The following ALDH1L2 variants were observed in gnomAD, a reference collection of about 807,000 sequenced individuals.
The protein encoded by ALDH1L2 is aldehyde dehydrogenase 1 family member L2, also known as mitochondrial 10-formyltetrahydrofolate dehydrogenase.
ALDH1L2 carries 91 observed loss-of-function variants against 111.0 expected under a neutral mutation model. The ratio of observed to expected loss-of-function variants is 0.82; its 90% confidence interval spans 0.69 to 0.98. The LOEUF is 0.98. ALDH1L2 is among the 50% of genes least tolerant of loss of function. The pLI is 0.00. For synonymous variants in ALDH1L2, 374 were observed against 392.6 expected (o/e 0.95, Z 0.56); for missense variants, 995 against 1,126.8 (o/e 0.88, Z 1.67).
intron 1 of ALDH1L2, among the ~76,000 whole-genome samples, chr12:105,083,572 A>G (rs1878428666): frequency 1.3e-5 from 2 of 152,156 alleles, no homozygotes. Context: ...CGATAAGCAA[A>G]TTCTTTTATG....
chr12:105,025,169 A>G lies in ALDH1L2; in HGVS notation c.2717-690T>C, dbSNP rs76906408. ...AAACTAATGAGTGCGTGATTCTGGAAGCTGAGCTAAAACAAGGGCTGTCAA... is the reference window on the plus strand; with the variant it reads ...AAACTAATGAGTGCGTGATTCTGGAGGCTGAGCTAAAACAAGGGCTGTCAA... On this transcript the variant is annotated intron_variant, in intron 22 of 22. Transcript: ENST00000258494. Among the ~76,000 whole-genome samples, 800 of 152,278 alleles carry G rather than the reference A, an allele frequency of 5.3e-3. 24 individuals carry two copies. In the East Asian group the frequency reaches 0.093, roughly 18 times the overall value.
intron 1 of ALDH1L2, among the ~76,000 whole-genome samples, chr12:105,077,620 T>C (rs1417791817): frequency 2.6e-5 from 4 of 151,944 alleles, no homozygotes; most frequent in Non-Finnish European, 4.4e-5. Context: ...AGGAGACTTT[T>C]GCAGGGAGCA....
intron 9 of ALDH1L2, 45 bp from the exon 10 acceptor site, chr12:105,058,265 G>T (rs747781441): frequency 1.2e-5 from 18 of 1,550,572 alleles, no homozygotes; most frequent in Non-Finnish European, 1.3e-5. Context: ...TTTTAAAAGG[G>T]GTTAGGAAGA....
At chr12:105,044,747 T>G (rs1162685937) in intron 15 of ALDH1L2, among the ~76,000 whole-genome samples, 3 of 151,920 alleles carry the variant, frequency 2.0e-5, no homozygotes. Flanking sequence ...ATGTGCATTA[T>G]ACTTACAAGG....
chr12:105,043,465 G>A (rs1592776257), intron 15 of ALDH1L2, among the ~76,000 whole-genome samples: 1 of 152,140 alleles, frequency 6.6e-6, no homozygotes, highest in Admixed American at 6.5e-5. Context: ...GACTTAACTC[G>A]ATGAGAAGTT....
chr12:105,039,855 G>A (rs919215891), intron 16 of ALDH1L2, 49 bp from the exon 17 acceptor site: 3 of 1,562,980 alleles, frequency 1.9e-6, no homozygotes, highest in African/African-American at 1.4e-5. Context: ...TCAAGGCCGG[G>A]CGCGGTGGCT....
chr12:105,050,669 CTT>C (rs1876201786), intron 12 of ALDH1L2: 1 of 454,344 alleles, frequency 2.2e-6, no homozygotes. Flanking sequence ...CTCCGACAAT[CTT>C]TGTTCCAGAT....
chr12:105,050,849 C>T (rs895854613), intron 12 of ALDH1L2: 22 of 252,074 alleles, frequency 8.7e-5, no homozygotes, highest in South Asian at 3.7e-4. Context: ...AAAGACTTGC[C>T]CCCATGATTC....
chr12:105,075,431 A>G (rs1264632212), intron 1 of ALDH1L2, among the ~76,000 whole-genome samples: 1 of 152,188 alleles, frequency 6.6e-6, no homozygotes, highest in Non-Finnish European at 1.5e-5. Flanking sequence ...CTAAAAATAC[A>G]AAAATTAGCC....
chr12:105,067,061 A>C (rs901454861), intron 4 of ALDH1L2, among the ~76,000 whole-genome samples: 2 of 151,922 alleles, frequency 1.3e-5, no homozygotes, highest in Non-Finnish European at 2.9e-5. Context: ...CTAAAAATAC[A>C]AAAAATCAGC....
At chr12:105,064,300 A>T (rs1034140449) in intron 6 of ALDH1L2, among the ~76,000 whole-genome samples, 8 of 151,402 alleles carry the variant, frequency 5.3e-5, no homozygotes, top group African/African-American at 1.9e-4. Context: ...TAATCTTCAC[A>T]ATTACCCATA....
intron 1 of ALDH1L2, among the ~76,000 whole-genome samples, chr12:105,075,129 C>T (rs1043192281): frequency 6.6e-6 from 1 of 152,240 alleles, no homozygotes. Context: ...TACCACTTAC[C>T]ATTACCAATG....
In ALDH1L2 at chr12:105,049,890, A is replaced by C; in HGVS notation, c.1686+18T>G. Reference sequence around the variant, plus strand: ...GTTAGTCCCTTTTTCTTTCAGAACAAATAATATTTGTGCTTACCTGAATTT... The same window carrying C: ...GTTAGTCCCTTTTTCTTTCAGAACACATAATATTTGTGCTTACCTGAATTT... On this transcript the variant is annotated intron_variant, in intron 13 of 22. Coordinates refer to ENST00000258494, the MANE Select transcript of ALDH1L2 (RefSeq NM_001034173.4). 1 of 1,600,548 alleles carries C rather than the reference A, an allele frequency of 6.2e-7. No homozygotes were observed. The highest frequency in any genetic ancestry group is 8.5e-7 in the Non-Finnish European group (1 of 1,172,502).
chr12:105,026,879 GTT>G, intron 21 of ALDH1L2, 135 bp from the exon 22 acceptor site: 2 of 1,085,574 alleles, frequency 1.8e-6, no homozygotes, highest in Non-Finnish European at 2.6e-6. Context: ...TGTTGTTGTT[GTT>G]TTTTAGAGGC....
chr12:105,077,872 G>A (rs1171504649), intron 1 of ALDH1L2, among the ~76,000 whole-genome samples: 2 of 152,238 alleles, frequency 1.3e-5, no homozygotes, highest in East Asian at 3.9e-4. Context: ...GTAAAGTAAG[G>A]CCAAAGCTAT....
At chr12:105,046,205 A>G (rs1258465173) in intron 15 of ALDH1L2, among the ~76,000 whole-genome samples, 6 of 38,376 alleles carry the variant, frequency 1.6e-4, no homozygotes, top group Admixed American at 1.5e-3. Flanking sequence ...ATATATATAT[A>G]TATATATATA....
chr12:105,061,822 G>A, intron 7 of ALDH1L2, 70 bp from the exon 8 acceptor site: 2 of 1,584,996 alleles, frequency 1.3e-6, no homozygotes. Flanking sequence ...GCTGGTGGGA[G>A]GAGTCCTATA....
At chr12:105,027,800 TA>T (rs1874489612) in intron 21 of ALDH1L2, among the ~76,000 whole-genome samples, 1 of 152,336 alleles carries the variant, frequency 6.6e-6, no homozygotes, top group African/African-American at 2.4e-5. Context: ...AATTGGAAGA[TA>T]AAAGTTCCCC....
chr12:105,039,050 T>G (rs867145620), intron 17 of ALDH1L2, among the ~76,000 whole-genome samples: 1 of 152,204 alleles, frequency 6.6e-6, no homozygotes, highest in Non-Finnish European at 1.5e-5. Flanking sequence ...ATCACAAAAT[T>G]CCATTCCATG....
Sources: allele counts gnomAD v4.1 joint callset (sites outside exome capture counted in the v4.1 genomes callset), GRCh38; gene constraint gnomAD v4.1.1; transcripts MANE v1.5; gene names NCBI Gene and HGNC (gene_info 2026-07-23, HGNC 2026-07-21).